RBFOX1: variants seen among roughly 807,000 people sequenced by gnomAD.
The protein encoded by RBFOX1 is RNA binding fox-1 homolog 1.
In RBFOX1, 8 loss-of-function variants were observed where a neutral mutation model predicts 57.7. That is an observed-to-expected ratio of 0.14 (90% CI 0.08 to 0.25). The LOEUF is 0.25. RBFOX1 is among the 10% of genes least tolerant of loss of function. The pLI is 1.00. For synonymous variants in RBFOX1, 326 were observed against 222.4 expected (o/e 1.47, Z -4.15); for missense variants, 611 against 548.5 (o/e 1.11, Z -1.14).
chr16:6,104,732 A>G (rs1364085403), intron 1 of RBFOX1, among the ~76,000 whole-genome samples: 1 of 152,202 alleles, frequency 6.6e-6, no homozygotes, highest in African/African-American at 2.4e-5. Flanking sequence ...CAAAACAAAC[A>G]AAGAGATAAA....
intron 3 of RBFOX1, among the ~76,000 whole-genome samples, chr16:6,934,691 T>C (rs769534951): frequency 2.0e-4 from 29 of 142,828 alleles, no homozygotes; most frequent in East Asian, 2.0e-4. Context: ...TTAAAAAATA[T>C]GATCTCGAGA....
intron 1 of RBFOX1, among the ~76,000 whole-genome samples, chr16:5,307,798 T>C (rs1161388257): frequency 6.6e-6 from 1 of 152,132 alleles, no homozygotes; most frequent in Non-Finnish European, 1.5e-5. Context: ...CTCAGCCCCC[T>C]GAGTAGCTAT....
intron 3 of RBFOX1, among the ~76,000 whole-genome samples, chr16:6,998,958 T>C (rs1056254732): frequency 9.3e-5 from 14 of 151,338 alleles, no homozygotes; most frequent in Admixed American, 5.3e-4. Context: ...AACCTCCGCC[T>C]CCCAGGTTCA....
intron 1 of RBFOX1, among the ~76,000 whole-genome samples, chr16:5,392,687 C>G (rs1159069374): frequency 1.3e-5 from 2 of 151,980 alleles, no homozygotes; most frequent in Non-Finnish European, 2.9e-5. Flanking sequence ...TTCTTCAAAC[C>G]TAGATGTATC....
chr16:7,038,876 C>G (rs1340592149), intron 3 of RBFOX1, among the ~76,000 whole-genome samples: 1 of 152,160 alleles, frequency 6.6e-6, no homozygotes, highest in Non-Finnish European at 1.5e-5. Context: ...AAGAAAACAC[C>G]TCATTAAAAC....
intron 4 of RBFOX1, among the ~76,000 whole-genome samples, chr16:7,483,313 GGCAGACC>G (rs2064498442): frequency 6.6e-6 from 1 of 152,174 alleles, no homozygotes; most frequent in Non-Finnish European, 1.5e-5. Flanking sequence ...TTCACAATCT[GGCAGACC>G]TGTTGTCCTA....
chr16:7,658,279 G>T (rs968222003), intron 12 of RBFOX1, among the ~76,000 whole-genome samples: 1 of 152,136 alleles, frequency 6.6e-6, no homozygotes, highest in Non-Finnish European at 1.5e-5. Flanking sequence ...TTGCTAGGGG[G>T]CACTTGCAGT....
intron 1 of RBFOX1, among the ~76,000 whole-genome samples, chr16:6,285,104 G>C (rs1236301875): frequency 6.6e-6 from 1 of 152,044 alleles, no homozygotes; most frequent in African/African-American, 2.4e-5. Context: ...ACTTACTGTA[G>C]GAGTCAAGAA....
At chr16:5,866,449 C>G (rs2057345165) in intron 3 of RBFOX1, among the ~76,000 whole-genome samples, 1 of 152,162 alleles carries the variant, frequency 6.6e-6, no homozygotes, top group Non-Finnish European at 1.5e-5. Context: ...GACAATATGG[C>G]TGAGGTTGGC....
At position 7,387,967 on chromosome 16, in the gene RBFOX1, C is replaced by T. The variant is rs534126325; in HGVS notation, c.28-130180C>T. On this transcript the variant is annotated intron_variant, in intron 4 of 15. Transcript: ENST00000550418. ...GTCAAAGCATCCCAGAGCTTAATGG[C>T]TCTCTTGTTCAGCTATTGTGGGGGG... Among the ~76,000 whole-genome samples, 8 of 152,178 alleles carry T rather than the reference C, an allele frequency of 5.3e-5. No individual in the cohort carries two copies. The East Asian group carries it at 1.5e-3, about 29-fold the overall frequency.
intron 3 of RBFOX1, among the ~76,000 whole-genome samples, chr16:6,822,629 C>T (rs946333922): frequency 4.6e-5 from 7 of 152,174 alleles, no homozygotes; most frequent in Non-Finnish European, 8.8e-5. Context: ...TGAAGCTGCT[C>T]ATAAGGTATG....
At chr16:6,376,797 C>T (rs2345052) in intron 2 of RBFOX1, among the ~76,000 whole-genome samples, 4,987 of 152,174 alleles carry the variant, frequency 0.033, 262 homozygotes, top group African/African-American at 0.11. Context: ...GTATTAGCAG[C>T]GCCATGCATT....
At chr16:6,656,916 C>CCCTTT (rs2098659087) in intron 3 of RBFOX1, among the ~76,000 whole-genome samples, 1 of 111,174 alleles carries the variant, frequency 9.0e-6, no homozygotes. Context: ...TCCTCTCCTC[C>CCCTTT]CCTCTCCTCT....
At chr16:6,328,568 A>T (rs188625623) in intron 2 of RBFOX1, among the ~76,000 whole-genome samples, 130 of 152,324 alleles carry the variant, frequency 8.5e-4, no homozygotes, top group African/African-American at 2.9e-3. Flanking sequence ...GTCCCAGTAG[A>T]AAATGCACAG....
At chr16:7,260,316 G>C (rs186882977) in intron 4 of RBFOX1, among the ~76,000 whole-genome samples, 238 of 152,236 alleles carry the variant, frequency 1.6e-3, no homozygotes, top group African/African-American at 5.6e-3. Flanking sequence ...TGAATTAACA[G>C]GTGAAATAAT....
At chr16:7,526,575 G>C (rs1268453217) in intron 5 of RBFOX1, among the ~76,000 whole-genome samples, 1 of 152,122 alleles carries the variant, frequency 6.6e-6, no homozygotes, top group East Asian at 1.9e-4. Context: ...TTTCCTTTGA[G>C]GAGGGTTTAC....
At chr16:7,258,228 A>G (rs1401192323) in intron 4 of RBFOX1, among the ~76,000 whole-genome samples, 2 of 152,206 alleles carry the variant, frequency 1.3e-5, no homozygotes, top group African/African-American at 2.4e-5. Flanking sequence ...CACCATAAAG[A>G]TCTTAAATGC....
At chr16:7,626,193 T>C (rs1469071935) in intron 10 of RBFOX1, among the ~76,000 whole-genome samples, 2 of 152,194 alleles carry the variant, frequency 1.3e-5, no homozygotes, top group Middle Eastern at 3.2e-3. Flanking sequence ...CCAGTTTTCC[T>C]CACTTAGGGG....
At chr16:5,362,032 A>G (rs1176628387) in intron 1 of RBFOX1, among the ~76,000 whole-genome samples, 1 of 152,232 alleles carries the variant, frequency 6.6e-6, no homozygotes, top group Non-Finnish European at 1.5e-5. Flanking sequence ...ACTGCATTGC[A>G]TAAGTTATGT....
Sources: allele counts gnomAD v4.1 joint callset (sites outside exome capture counted in the v4.1 genomes callset), GRCh38; gene constraint gnomAD v4.1.1; transcripts MANE v1.5; gene names NCBI Gene and HGNC (gene_info 2026-07-23, HGNC 2026-07-21).